LINGO2: variants seen among roughly 807,000 people sequenced by gnomAD.
LINGO2 encodes the protein leucine-rich repeat and immunoglobulin-like domain-containing nogo receptor-interacting protein 2.
Under a neutral mutation model 30.6 loss-of-function variants are expected in LINGO2, and 14 were observed. That is an observed-to-expected ratio of 0.46 (90% CI 0.30 to 0.72). LINGO2 has a LOEUF of 0.72. Ranked by LOEUF, LINGO2 falls within the 30% of genes least tolerant of loss-of-function variation. The pLI, the probability that LINGO2 is intolerant of heterozygous loss-of-function variation, is 0.07. For synonymous variants in LINGO2, 317 were observed against 288.5 expected, an observed-to-expected ratio of 1.10 and a Z score of -1.00; for missense variants, 729 against 751.7, an observed-to-expected ratio of 0.97 and a Z score of 0.35.
chr9:28,310,579 C>A (rs1231509038), intron 3 of LINGO2, among the ~76,000 whole-genome samples: 1 of 152,020 alleles, frequency 6.6e-6, no homozygotes, highest in South Asian at 2.1e-4. Context: ...AGAGAGGAAA[C>A]AGGAAGGAAA....
intron 5 of LINGO2, among the ~76,000 whole-genome samples, chr9:28,000,296 C>T (rs1821882139): frequency 6.6e-6 from 1 of 152,038 alleles, no homozygotes; most frequent in African/African-American, 2.4e-5. Flanking sequence ...ATAAAGGATG[C>T]TAGCTTTACT....
the LINGO2 span, among the ~76,000 whole-genome samples, chr9:28,750,186 T>C: frequency 2.6e-5 from 4 of 152,152 alleles, no homozygotes; most frequent in African/African-American, 9.7e-5. Flanking sequence ...CGCACTAGAA[T>C]CTGTAGAACT....
At chr9:28,726,100 A>G in the LINGO2 span, among the ~76,000 whole-genome samples, 1 of 152,200 alleles carries the variant, frequency 6.6e-6, no homozygotes, top group Non-Finnish European at 1.5e-5. Flanking sequence ...TTAGACAATA[A>G]GCAATCATTT....
At chr9:29,021,943 T>C in the LINGO2 span, among the ~76,000 whole-genome samples, 1 of 152,144 alleles carries the variant, frequency 6.6e-6, no homozygotes, top group Non-Finnish European at 1.5e-5. Flanking sequence ...CTGTTTGTCA[T>C]GAAATATCAC....
intron 3 of LINGO2, among the ~76,000 whole-genome samples, chr9:28,321,189 T>C (rs1343160359): frequency 1.3e-5 from 2 of 152,186 alleles, no homozygotes; most frequent in Non-Finnish European, 2.9e-5. Flanking sequence ...CATATGTTTC[T>C]CCATAACTAT....
At chr9:28,668,506 A>C (rs73644096) in intron 1 of LINGO2, among the ~76,000 whole-genome samples, 3,868 of 152,068 alleles carry the variant, frequency 0.025, 167 homozygotes, top group African/African-American at 0.086. Context: ...AATAACTTCT[A>C]ATAATTTCTT....
At chr9:28,886,311 C>A in the LINGO2 span, among the ~76,000 whole-genome samples, 1 of 151,984 alleles carries the variant, frequency 6.6e-6, no homozygotes, top group Non-Finnish European at 1.5e-5. Context: ...AAAATTGGAT[C>A]TAAGCTAAAA....
At chr9:28,943,451 T>A in the LINGO2 span, among the ~76,000 whole-genome samples, 1 of 152,102 alleles carries the variant, frequency 6.6e-6, no homozygotes, top group African/African-American at 2.4e-5. Flanking sequence ...CAATGAAGAA[T>A]ATATTGTAGA....
At chr9:28,907,452 T>G in the LINGO2 span, among the ~76,000 whole-genome samples, 1 of 151,752 alleles carries the variant, frequency 6.6e-6, no homozygotes, top group Non-Finnish European at 1.5e-5. Flanking sequence ...ATCAACAGTG[T>G]AGTAGATTTC....
the LINGO2 span, among the ~76,000 whole-genome samples, chr9:29,047,045 A>G: frequency 4.4e-4 from 3 of 6,784 alleles, no homozygotes; most frequent in African/African-American, 9.2e-4. Flanking sequence ...TGTCTCAAAA[A>G]AAAAAACCAA....
intron 5 of LINGO2, among the ~76,000 whole-genome samples, chr9:28,006,035 G>A (rs1305386624): frequency 1.3e-5 from 2 of 152,152 alleles, no homozygotes; most frequent in South Asian, 2.1e-4. Context: ...TATCACTGGG[G>A]TAAAAGGAAG....
chr9:28,160,553 C>G (rs1220243842), intron 4 of LINGO2, among the ~76,000 whole-genome samples: 1 of 152,152 alleles, frequency 6.6e-6, no homozygotes, highest in Non-Finnish European at 1.5e-5. Context: ...GAATCTCTGT[C>G]CTTTCTGTTC....
the LINGO2 span, among the ~76,000 whole-genome samples, chr9:28,746,377 G>A: frequency 6.6e-6 from 1 of 152,018 alleles, no homozygotes; most frequent in South Asian, 2.1e-4. Flanking sequence ...GGCACCACAG[G>A]AAAGTTCCTC....
the LINGO2 span, among the ~76,000 whole-genome samples, chr9:29,115,083 C>T: frequency 2.6e-5 from 4 of 152,004 alleles, no homozygotes; most frequent in Non-Finnish European, 5.9e-5. Flanking sequence ...AGCTAATACC[C>T]AACCTGAGTT....
chr9:28,974,946 T>C, the LINGO2 span, among the ~76,000 whole-genome samples: 32 of 152,146 alleles, frequency 2.1e-4, no homozygotes, highest in Non-Finnish European at 3.4e-4. Context: ...TTGGACTGTA[T>C]TGCTTGCTTT....
At chr9:28,415,395 C>G (rs1330384701) in intron 2 of LINGO2, among the ~76,000 whole-genome samples, 2 of 152,174 alleles carry the variant, frequency 1.3e-5, no homozygotes, top group African/African-American at 4.8e-5. Flanking sequence ...GATGTTAATA[C>G]TTTCCAAAAT....
chr9:28,855,211 C>G, the LINGO2 span, among the ~76,000 whole-genome samples: 1 of 151,786 alleles, frequency 6.6e-6, no homozygotes, highest in East Asian at 1.9e-4. Context: ...TTGCGATCCT[C>G]CAAGGATGTA....
chr9:29,151,188 A>T, the LINGO2 span, among the ~76,000 whole-genome samples: 22 of 152,244 alleles, frequency 1.4e-4, no homozygotes, highest in East Asian at 4.2e-3. Context: ...GAAGGAGAAG[A>T]TCTTTCTTGG....
the LINGO2 span, among the ~76,000 whole-genome samples, chr9:29,170,052 A>T: frequency 2.0e-5 from 3 of 152,112 alleles, no homozygotes; most frequent in African/African-American, 7.2e-5. Context: ...AGATTTCTCA[A>T]ATAACTAAAA....
Sources: gnomAD v4.1 joint callset for allele counts (sites outside exome capture counted in the v4.1 genomes callset) on GRCh38, gnomAD v4.1.1 for gene constraint, MANE v1.5 for transcripts, NCBI Gene and HGNC (gene_info 2026-07-23, HGNC 2026-07-21) for gene names.